The following ARHGEF10L variants were observed in gnomAD, a reference collection of about 807,000 sequenced individuals.
ARHGEF10L encodes rho guanine nucleotide exchange factor 10-like protein.
A neutral mutation model predicts 141.2 loss-of-function variants in ARHGEF10L; 69 were observed. The observed-to-expected ratio is 0.49, with a 90% confidence interval of 0.40 to 0.60. The LOEUF is 0.60. ARHGEF10L is among the 20% of genes least tolerant of loss of function. ARHGEF10L has a pLI of 0.00. For missense variants in ARHGEF10L, 1,482 were observed against 1,734.3 expected, an observed-to-expected ratio of 0.85 and a Z score of 2.58; for synonymous variants, 711 against 718.5, an observed-to-expected ratio of 0.99 and a Z score of 0.17.
intron 26 of ARHGEF10L, among the ~76,000 whole-genome samples, chr1:17,671,378 G>T (rs943205342): frequency 3.9e-5 from 6 of 152,216 alleles, no homozygotes; most frequent in African/African-American, 1.2e-4. Flanking sequence ...TGTCCAGAGG[G>T]TCTGTGGCCA....
chr1:17,653,163 G>C lies in ARHGEF10L; in HGVS notation c.2395-1473G>C, dbSNP rs551791096. Among the ~76,000 whole-genome samples the C allele has an allele frequency of 4.9e-4, 75 of 152,240 alleles. No homozygotes were observed. The South Asian group carries it at 1.0e-2, about 20-fold the overall frequency. ...CCACGGCCATCCTGAGAGATTTCAGGGTCTCTGCTCTGTAGGTGAGGACCT... is the reference window on the plus strand; with the variant it reads ...CCACGGCCATCCTGAGAGATTTCAGCGTCTCTGCTCTGTAGGTGAGGACCT... On this transcript the variant is annotated intron_variant, in intron 22 of 28. Coordinates refer to ENST00000361221, the MANE Select transcript of ARHGEF10L (RefSeq NM_018125.4).
At chr1:17,544,235 G>A (rs1035646423) in intron 1 of ARHGEF10L, among the ~76,000 whole-genome samples, 6 of 151,724 alleles carry the variant, frequency 4.0e-5, no homozygotes, top group Middle Eastern at 6.9e-3. Context: ...TTACAATTAT[G>A]AGCCACTGTG....
intron 21 of ARHGEF10L, among the ~76,000 whole-genome samples, chr1:17,642,248 CG>C (rs1454408037): frequency 6.6e-6 from 1 of 152,086 alleles, no homozygotes; most frequent in East Asian, 1.9e-4. Flanking sequence ...ACCCCTGAGG[CG>C]GGGTCCTCAG....
chr1:17,571,505 G>A (rs1027701669), intron 1 of ARHGEF10L, among the ~76,000 whole-genome samples: 7 of 152,070 alleles, frequency 4.6e-5, no homozygotes, highest in African/African-American at 1.4e-4. Context: ...GGGATCAGAT[G>A]AGCAGTAATG....
At chr1:17,629,487 T>G (rs2060563776) in intron 15 of ARHGEF10L, among the ~76,000 whole-genome samples, 1 of 152,154 alleles carries the variant, frequency 6.6e-6, no homozygotes, top group Middle Eastern at 3.2e-3. Context: ...AGCTGCCCAC[T>G]TCCCCTTGGT....
intron 21 of ARHGEF10L, among the ~76,000 whole-genome samples, chr1:17,642,205 G>A (rs1290558734): frequency 6.6e-6 from 1 of 152,104 alleles, no homozygotes; most frequent in Non-Finnish European, 1.5e-5. Context: ...GCTGTACAGG[G>A]CATAGAGCTG....
chr1:17,572,571 C>T (rs2100375891), intron 1 of ARHGEF10L, among the ~76,000 whole-genome samples: 1 of 152,316 alleles, frequency 6.6e-6, no homozygotes, highest in Middle Eastern at 3.4e-3. Context: ...GAGCCAGGAT[C>T]AGAACACGCC....
intron 2 of ARHGEF10L, 129 bp downstream of exon 2, chr1:17,580,761 T>A: frequency 1.4e-5 from 15 of 1,090,862 alleles, no homozygotes; most frequent in Non-Finnish European, 1.8e-5. Flanking sequence ...CTGCTGGCCC[T>A]GCCTGGGCCG....
intron 1 of ARHGEF10L, among the ~76,000 whole-genome samples, chr1:17,574,772 T>G (rs1165993404): frequency 2.0e-5 from 3 of 152,248 alleles, no homozygotes; most frequent in Non-Finnish European, 4.4e-5. Context: ...TGAGAAGAGC[T>G]GTGGGCATCT....
At position 17,695,244 on chromosome 1, in the gene ARHGEF10L, C is replaced by T. The variant is rs768413335; in HGVS notation, c.3271C>T (p.Pro1091Ser). ...TGACCAGGGTGTCATCGTCCTGCTGCCCGTGCCTCGGCTGGAAGGCATCCC... is the reference window on the plus strand; with the variant it reads ...TGACCAGGGTGTCATCGTCCTGCTGTCCGTGCCTCGGCTGGAAGGCATCCC... Reference protein sequence around the residue: ...GTDQGVIVLLPVPRLEGIPKI... With the variant: ...GTDQGVIVLLSVPRLEGIPKI... Residue 1091 changes from proline to serine, a missense_variant, in exon 28 of 29, where the codon CCC (proline) becomes TCC (serine). Transcript: ENST00000361221. 7.5e-6 allele frequency: 12 copies of T among 1,602,812 alleles called. No homozygotes were observed. Among genetic ancestry groups the T allele is most frequent in the Non-Finnish European group, 1.7e-6 (2 of 1,175,162 alleles).
In ARHGEF10L at chr1:17,697,300, C is replaced by G. The variant is rs1162504449; in HGVS notation, c.3760C>G (p.Leu1254Val). The G allele has an allele frequency of 6.2e-7, 1 of 1,612,608 alleles. No individual in the cohort carries two copies. The highest frequency in any genetic ancestry group is 8.5e-7 in the Non-Finnish European group (1 of 1,179,828). ...GQGYRNFGSALGSSGRQAPCG... is the reference protein window; with the variant it reads ...GQGYRNFGSAVGSSGRQAPCG... ...GGGCTACCGCAACTTTGGCAGCGCT[C>G]TGGGCAGCAGTGGGAGGCAGGCCCC... The change falls in exon 29 of 29, where the codon CTG becomes GTG. Residue 1254 changes from leucine (L) to valine (V), a missense_variant. Coordinates refer to ENST00000361221, the MANE Select transcript of ARHGEF10L (RefSeq NM_018125.4). This position sits in a 1 kb window ranked among gnomAD's most constrained non-coding sequence, Gnocchi z 4.8.
intron 27 of ARHGEF10L, chr1:17,694,908 C>A (rs1242737186): frequency 3.0e-6 from 2 of 662,602 alleles, no homozygotes; most frequent in Non-Finnish European, 5.5e-6. Flanking sequence ...CCCAATGCAT[C>A]CGTATGGCAG....
At chr1:17,523,591 C>T in the ARHGEF10L span, among the ~76,000 whole-genome samples, 8 of 152,244 alleles carry the variant, frequency 5.3e-5, no homozygotes, top group Non-Finnish European at 1.0e-4. Flanking sequence ...AAGTTGAAAG[C>T]GCACTTCACC....
In ARHGEF10L at chr1:17,624,401, G is replaced by A; in HGVS notation, c.1215G>A (p.Met405Ile). The change falls in exon 13 of 29, where the codon ATG becomes ATA. Residue 405 changes from methionine to isoleucine, a missense_variant. Coordinates refer to ENST00000361221, the MANE Select transcript of ARHGEF10L (RefSeq NM_018125.4). ...CCTTGTTTCAGTTTTCCAAGTCCAT[G>A]GTGCTAGATGTGTACAGTGACTACG... ...DLFVASFSKS[M>I]VLDVYSDYVN... 1 of 1,613,990 alleles carries A rather than the reference G, an allele frequency of 6.2e-7. No homozygotes were observed. The highest frequency in any genetic ancestry group is 1.1e-5 in the South Asian group (1 of 91,074).
At chr1:17,559,851 G>A (rs2077478600) in intron 1 of ARHGEF10L, among the ~76,000 whole-genome samples, 2 of 152,116 alleles carry the variant, frequency 1.3e-5, no homozygotes, top group South Asian at 4.1e-4. Flanking sequence ...GCCACACTGG[G>A]TCTGGGTGCC....
At chr1:17,592,741 T>G (rs1193340) in intron 4 of ARHGEF10L, among the ~76,000 whole-genome samples, 4 of 152,080 alleles carry the variant, frequency 2.6e-5, no homozygotes, top group African/African-American at 9.7e-5. Flanking sequence ...AGTCTGGAGT[T>G]GTTTGGAATC....
At chr1:17,592,361 T>G (rs1339720923) in intron 4 of ARHGEF10L, among the ~76,000 whole-genome samples, 2 of 152,190 alleles carry the variant, frequency 1.3e-5, no homozygotes, top group Non-Finnish European at 2.9e-5. Flanking sequence ...TCTCATGGGC[T>G]CCCTGAAGGT....
intron 21 of ARHGEF10L, 79 bp downstream of exon 21, chr1:17,640,381 A>G: frequency 7.7e-7 from 1 of 1,294,504 alleles, no homozygotes; most frequent in Non-Finnish European, 1.1e-6. Flanking sequence ...AGGGTACAGG[A>G]TGGGTGTTCG....
chr1:17,635,389 G>A (rs2060937781), intron 18 of ARHGEF10L, among the ~76,000 whole-genome samples: 1 of 152,174 alleles, frequency 6.6e-6, no homozygotes, highest in South Asian at 2.1e-4. Context: ...GGTCAGATCA[G>A]TGCACGTCAT....
Sources: gnomAD v4.1 joint callset for allele counts (sites outside exome capture counted in the v4.1 genomes callset) on GRCh38, gnomAD v4.1.1 for gene constraint, Gnocchi (gnomAD v3.1) non-coding constraint, MANE v1.5 for transcripts, NCBI Gene and HGNC (gene_info 2026-07-23, HGNC 2026-07-21) for gene names.